The following ZNF385C variants were observed in gnomAD, a reference collection of about 807,000 sequenced individuals.
The protein encoded by ZNF385C is zinc finger protein 385C.
A neutral mutation model predicts 35.4 loss-of-function variants in ZNF385C; 28 were observed. The observed-to-expected ratio is 0.79, with a 90% CI of 0.59 to 1.08. The LOEUF (loss-of-function observed/expected upper bound fraction) is 1.08. ZNF385C is among the 50% of genes least tolerant of loss of function. The pLI, the probability that ZNF385C is intolerant of heterozygous loss-of-function variation, is 0.00. For synonymous variants in ZNF385C, 248 were observed against 248.2 expected (o/e 1.00, Z 0.01); for missense variants, 605 against 595.6 (o/e 1.02, Z -0.16).
chr17:42,027,631 A>G lies in ZNF385C; in HGVS notation c.1262T>C (p.Val421Ala), dbSNP rs781984849. ...GGAGACAGATACCTTGAGGATACTCACAGCCAGCGCTGCGTGCTTCTGCAG... is the reference window on the plus strand; with the variant it reads ...GGAGACAGATACCTTGAGGATACTCGCAGCCAGCGCTGCGTGCTTCTGCAG... ...SKLQKHAALA[V>A]SILKSKLALQ... is the part of the protein sequence containing the mutation. Residue 421 changes from valine to alanine, a missense_variant, in exon 8 of 9, where the codon GTG becomes GCG. Coordinates refer to ENST00000692273, the MANE Select transcript of ZNF385C (RefSeq NM_001392013.1). 6.3e-7 allele frequency: 1 copy of G among 1,578,012 alleles called. No homozygotes were observed. Among genetic ancestry groups the G allele is most frequent in the African/African-American group, 1.4e-5 (1 of 69,620 alleles).
intron 2 of ZNF385C, among the ~76,000 whole-genome samples, chr17:42,048,437 C>T (rs1297599653): frequency 2.6e-5 from 4 of 151,654 alleles, no homozygotes; most frequent in Non-Finnish European, 5.9e-5. Context: ...CCCAGCTACT[C>T]GGGAAGCTGA....
At chr17:42,047,819 A>C (rs1294141677) in intron 2 of ZNF385C, among the ~76,000 whole-genome samples, 1 of 151,360 alleles carries the variant, frequency 6.6e-6, no homozygotes, top group African/African-American at 2.4e-5. Flanking sequence ...ATGCCCAGCT[A>C]ATTTTTTGTA....
intron 1 of ZNF385C, among the ~76,000 whole-genome samples, chr17:42,084,493 A>G (rs968787663): frequency 6.6e-6 from 1 of 152,224 alleles, no homozygotes; most frequent in Non-Finnish European, 1.5e-5. Flanking sequence ...TATAAAAGAC[A>G]TCGTCAAATA....
At position 42,039,874 on chromosome 17, in the gene ZNF385C, C is replaced by T. The variant is rs569328299; in HGVS notation, c.251-1989G>A. On this transcript the variant is annotated intron_variant, in intron 2 of 8. Transcript: ENST00000692273. Reference sequence around the variant, plus strand: ...CTGCCCCCACCACCGCAGCTCCCGGCTGCGGCCGACCTTGTCCAGCAGGCC... The same window carrying T: ...CTGCCCCCACCACCGCAGCTCCCGGTTGCGGCCGACCTTGTCCAGCAGGCC... 9.7e-4 allele frequency: 1,200 copies of T among 1,231,410 alleles called. 11 individuals are homozygous for T. In the African/African-American group the frequency reaches 0.017, roughly 18 times the overall value. The allele number at this position is 1,231,410 out of a possible 1,614,324, so 76.3% of individuals were successfully genotyped here.
chr17:42,060,159 G>A (rs1555657888), intron 2 of ZNF385C, among the ~76,000 whole-genome samples: 1 of 152,038 alleles, frequency 6.6e-6, no homozygotes, highest in African/African-American at 2.4e-5. Flanking sequence ...TCTGATAACT[G>A]AGCTGCCCTC....
intron 2 of ZNF385C, chr17:42,039,838 C>T (rs1018329476): frequency 7.3e-6 from 9 of 1,231,912 alleles, no homozygotes; most frequent in African/African-American, 1.6e-5. Context: ...CCGGCCTTCC[C>T]CGGCCCCACT....
intron 2 of ZNF385C, among the ~76,000 whole-genome samples, chr17:42,042,184 C>T (rs2053038303): frequency 6.6e-6 from 1 of 151,716 alleles, no homozygotes; most frequent in South Asian, 2.1e-4. Flanking sequence ...CCAGCCTGGG[C>T]AACATAATGA....
At chr17:42,060,937 A>G (rs1431726981) in intron 2 of ZNF385C, among the ~76,000 whole-genome samples, 1 of 151,396 alleles carries the variant, frequency 6.6e-6, no homozygotes, top group Non-Finnish European at 1.5e-5. Context: ...CTGGTCTCGA[A>G]CTCCTGAGCT....
At position 42,051,033 on chromosome 17, in the gene ZNF385C, A is replaced by G. The variant is rs575304015; in HGVS notation, c.250+11774T>C. The stretch of plus-strand genomic sequence containing the variant: ...GGGCGGGTCAATTAGGGTTCGCAGC[A>G]TTCTGGGTAAGTGAACTTTTACTAG... On this transcript the variant is annotated intron_variant, in intron 2 of 8. Coordinates refer to ENST00000692273, the MANE Select transcript of ZNF385C (RefSeq NM_001392013.1). Among the ~76,000 whole-genome samples the G allele has an allele frequency of 3.3e-5, 5 of 152,238 alleles. No individual in the cohort carries two copies. In the South Asian group the frequency reaches 1.0e-3, roughly 32 times the overall value.
chr17:42,063,844 A>G (rs1305758639), intron 1 of ZNF385C, among the ~76,000 whole-genome samples: 2 of 152,214 alleles, frequency 1.3e-5, no homozygotes, highest in East Asian at 3.9e-4. Flanking sequence ...AGCCAAAAAC[A>G]CAACCTTCCT....
chr17:42,048,997 C>T (rs945668861), intron 2 of ZNF385C, among the ~76,000 whole-genome samples: 6 of 152,012 alleles, frequency 3.9e-5, no homozygotes, highest in Non-Finnish European at 8.8e-5. Flanking sequence ...ACCCACTCCT[C>T]TAAGGCCAGT....
chr17:42,060,128 T>A (rs1052333028), intron 2 of ZNF385C, among the ~76,000 whole-genome samples: 1 of 151,962 alleles, frequency 6.6e-6, no homozygotes, highest in Non-Finnish European at 1.5e-5. Flanking sequence ...TCCATTTCTG[T>A]CTCCCTCTCA....
At chr17:42,076,628 A>G (rs1767573649) in intron 1 of ZNF385C, among the ~76,000 whole-genome samples, 1 of 150,682 alleles carries the variant, frequency 6.6e-6, no homozygotes, top group Non-Finnish European at 1.5e-5. Flanking sequence ...TCTCAAACAA[A>G]CACACAAAAA....
At chr17:42,036,649 A>C (rs1018883358) in intron 3 of ZNF385C, among the ~76,000 whole-genome samples, 7 of 152,234 alleles carry the variant, frequency 4.6e-5, no homozygotes, top group Admixed American at 3.9e-4. Flanking sequence ...AAGTGGTTCA[A>C]ATTTTCACAG....
chr17:42,033,168 T>C (rs2052769785), intron 4 of ZNF385C, among the ~76,000 whole-genome samples: 2 of 152,198 alleles, frequency 1.3e-5, no homozygotes, highest in African/African-American at 2.4e-5. Context: ...CAGGCCCCCA[T>C]GGCCCCTCCC....
At chr17:42,065,588 G>A (rs1349847674) in intron 1 of ZNF385C, among the ~76,000 whole-genome samples, 1 of 152,216 alleles carries the variant, frequency 6.6e-6, no homozygotes, top group Non-Finnish European at 1.5e-5. Flanking sequence ...TCCTTTTTGT[G>A]AGCAGTGATC....
At chr17:42,087,282 G>T (rs995991723) in intron 1 of ZNF385C, among the ~76,000 whole-genome samples, 2 of 152,206 alleles carry the variant, frequency 1.3e-5, no homozygotes, top group Non-Finnish European at 2.9e-5. Context: ...CAATAAGTAG[G>T]CATATATGCA....
chr17:42,097,452 C>G (rs373887523), intron 1 of ZNF385C, among the ~76,000 whole-genome samples: 3 of 152,158 alleles, frequency 2.0e-5, no homozygotes, highest in Non-Finnish European at 4.4e-5. Flanking sequence ...CCCCCTCCCC[C>G]CATTGTCACC....
chr17:42,027,224 G>T (rs1442931101), intron 8 of ZNF385C, 91 bp from the exon 9 acceptor site: 8 of 1,202,448 alleles, frequency 6.7e-6, no homozygotes, highest in Non-Finnish European at 9.7e-6. Flanking sequence ...TTGCTGCAGG[G>T]AAAGCGTGCC....
Sources: gnomAD v4.1 joint callset for allele counts (sites outside exome capture counted in the v4.1 genomes callset) on GRCh38, gnomAD v4.1.1 for gene constraint, MANE v1.5 for transcripts, NCBI Gene and HGNC (gene_info 2026-07-23, HGNC 2026-07-21) for gene names.